The following CCDC88C variants were observed in gnomAD, a reference collection of about 807,000 sequenced individuals.
CCDC88C encodes coiled-coil and HOOK domain protein 88C, also known as protein Daple.
CCDC88C carries 131 observed loss-of-function variants against 198.8 expected under a neutral mutation model. That is an observed-to-expected ratio of 0.66 (90% CI 0.57 to 0.76). The LOEUF (loss-of-function observed/expected upper bound fraction) is 0.76. Among genes scored for constraint, CCDC88C ranks in the 30% least tolerant of loss-of-function variants. The pLI, the probability that CCDC88C is intolerant of heterozygous loss-of-function variation, is 0.00. For synonymous variants in CCDC88C, 1,166 were observed against 1,114.7 expected (o/e 1.05, Z -0.92); for missense variants, 2,553 against 2,631.6 (o/e 0.97, Z 0.65).
intron 27 of CCDC88C, chr14:91,281,161 C>T: frequency 1.7e-6 from 1 of 583,106 alleles, no homozygotes; most frequent in Non-Finnish European, 3.1e-6. Flanking sequence ...ACGCTCCCCA[C>T]CTGGGCCACC....
Position 91,338,584 on chromosome 14 carries a change from A to T in CCDC88C, c.810-14T>A, listed in dbSNP as rs531218791. On this transcript the variant is annotated splice_polypyrimidine_tract_variant and intron_variant, in intron 8 of 29. Transcript: ENST00000389857. The surrounding 1 kb of genome is among the most constrained non-coding windows in gnomAD (Gnocchi z 4.8). ...GTCTTATCCTCCCTGCAGAGGCAGT[A>T]AGGAGAAAGAGTGTGGGAGGCAGCT... The T allele has an allele frequency of 1.0e-4, 157 of 1,550,656 alleles. 3 individuals are homozygous for T. The South Asian group carries it at 1.8e-3, about 18-fold the overall frequency.
intron 3 of CCDC88C, among the ~76,000 whole-genome samples, chr14:91,385,106 G>GTCT (rs1477283015): frequency 1.3e-5 from 2 of 152,172 alleles, no homozygotes; most frequent in African/African-American, 4.8e-5. Flanking sequence ...CCAGGACACA[G>GTCT]CACGCTCAGG....
Position 91,367,157 on chromosome 14 carries a change from G to A in CCDC88C, c.271-7446C>T, listed in dbSNP as rs528326425. ...CCAGGAAGGAAGAATAAACGCTGCCGAAAGCCAAGCGTTTAGGCCCACAGG... is the reference window on the plus strand; with the variant it reads ...CCAGGAAGGAAGAATAAACGCTGCCAAAAGCCAAGCGTTTAGGCCCACAGG... On this transcript the variant is annotated intron_variant, in intron 3 of 29. Coordinates refer to ENST00000389857, the MANE Select transcript of CCDC88C (RefSeq NM_001080414.4). 1.1e-3 allele frequency among the ~76,000 whole-genome samples: 172 copies of A among 152,328 alleles called. 1 individual carries two copies. The highest frequency in any genetic ancestry group is 4.0e-3 in the African/African-American group (166 of 41,572).
intron 21 of CCDC88C, among the ~76,000 whole-genome samples, chr14:91,298,433 C>G (rs932207160): frequency 6.6e-6 from 1 of 151,364 alleles, no homozygotes; most frequent in Non-Finnish European, 1.5e-5. Context: ...ACTTGGGAGG[C>G]TGGGCTGGGA....
At chr14:91,343,797 G>A (rs746156720) in intron 4 of CCDC88C, 140 bp from the exon 5 acceptor site, 13 of 940,950 alleles carry the variant, frequency 1.4e-5, no homozygotes, top group Admixed American at 6.3e-5. Flanking sequence ...ACACTCCATC[G>A]ATCTTCCATG....
Position 91,272,580 on chromosome 14 carries a change from G to A in CCDC88C, c.*45C>T, listed in dbSNP as rs1432520926. The A allele has an allele frequency of 1.3e-6, 2 of 1,554,638 alleles. No individual in the cohort carries two copies. Among genetic ancestry groups the A allele is most frequent in the Non-Finnish European group, 1.7e-6 (2 of 1,148,928 alleles). On this transcript the variant is annotated 3_prime_UTR_variant, in exon 30 of 30. Coordinates refer to ENST00000389857, the MANE Select transcript of CCDC88C (RefSeq NM_001080414.4). ...AGAGAAAAGGCCGTGAGAGTCGGAA[G>A]GCGCGTCAGTAGTTTTCAGGTTTGC...
chr14:91,308,306 C>T lies in CCDC88C; in HGVS notation c.3006+45G>A, dbSNP rs773721976. 6.2e-6 allele frequency: 10 copies of T among 1,608,498 alleles called. No homozygotes were observed. In the African/African-American group the frequency reaches 1.2e-4, roughly 19 times the overall value. On this transcript the variant is annotated intron_variant, in intron 17 of 29. Coordinates refer to ENST00000389857, the MANE Select transcript of CCDC88C (RefSeq NM_001080414.4). Reference sequence around the variant, plus strand: ...AGGTGAGGGGCTGGAAAGGGTGAGGCTGAGAATGGGCAGCTGGGCCCCACA... The same window carrying T: ...AGGTGAGGGGCTGGAAAGGGTGAGGTTGAGAATGGGCAGCTGGGCCCCACA...
At chr14:91,412,261 T>C (rs10143525) in intron 2 of CCDC88C, among the ~76,000 whole-genome samples, 2,700 of 152,214 alleles carry the variant, frequency 0.018, 82 homozygotes, top group African/African-American at 0.061. Flanking sequence ...GAGTCCATAT[T>C]TGTATAAAAA....
At chr14:91,361,129 T>TAAA (rs58164336) in intron 3 of CCDC88C, among the ~76,000 whole-genome samples, 5 of 117,902 alleles carry the variant, frequency 4.2e-5, no homozygotes, top group Admixed American at 8.7e-5. Context: ...ACCCTGTCTA[T>TAAA]AAAAAAAAAA....
chr14:91,403,570 C>T (rs1377587900), intron 3 of CCDC88C, among the ~76,000 whole-genome samples: 1 of 152,242 alleles, frequency 6.6e-6, no homozygotes, highest in Non-Finnish European at 1.5e-5. Flanking sequence ...TTAATGTAAA[C>T]ATTCAAGGCT....
intron 3 of CCDC88C, chr14:91,408,443 A>AG: frequency 3.7e-6 from 2 of 536,872 alleles, no homozygotes; most frequent in South Asian, 4.0e-5. Flanking sequence ...GATGCTACAC[A>AG]CAGCTCAAAG....
At chr14:91,387,911 A>G (rs1168342069) in intron 3 of CCDC88C, among the ~76,000 whole-genome samples, 1 of 152,200 alleles carries the variant, frequency 6.6e-6, no homozygotes, top group Non-Finnish European at 1.5e-5. Flanking sequence ...CACCTCAGAC[A>G]ACGGCTTTTA....
intron 3 of CCDC88C, among the ~76,000 whole-genome samples, chr14:91,375,615 C>G (rs536427106): frequency 6.6e-6 from 1 of 152,194 alleles, no homozygotes; most frequent in South Asian, 2.1e-4. Flanking sequence ...CAGGGCCGGC[C>G]GAGAGCCCAC....
At chr14:91,363,552 T>C (rs1019439358) in intron 3 of CCDC88C, among the ~76,000 whole-genome samples, 1 of 152,208 alleles carries the variant, frequency 6.6e-6, no homozygotes, top group African/African-American at 2.4e-5. Context: ...AGTTCATTTG[T>C]TGGAGGTATA....
chr14:91,316,395 C>T lies in CCDC88C; in HGVS notation c.1528-608G>A, dbSNP rs550601136. On this transcript the variant is annotated intron_variant, in intron 13 of 29. Transcript: ENST00000389857. ...ATGCTCCCCGTTGCACACGAGTGCCCGCCTTGCTGAAATGCAGATTCTGAC... is the reference window on the plus strand; with the variant it reads ...ATGCTCCCCGTTGCACACGAGTGCCTGCCTTGCTGAAATGCAGATTCTGAC... Among the ~76,000 whole-genome samples the T allele has an allele frequency of 1.3e-4, 20 of 152,156 alleles. No homozygotes were observed. The East Asian group carries it at 3.5e-3, about 26-fold the overall frequency.
chr14:91,272,777 C>A lies in CCDC88C; in HGVS notation c.5935G>T (p.Ala1979Ser). The A allele has an allele frequency of 6.2e-7, 1 of 1,606,096 alleles. No homozygotes were observed. Among genetic ancestry groups the A allele is most frequent in the South Asian group, 1.1e-5 (1 of 90,700 alleles). The change falls in exon 30 of 30, where the codon GCC (alanine) becomes TCC (serine). Residue 1979 changes from alanine (A) to serine (S), a missense_variant. By Grantham distance (99) the Ala-to-Ser change is moderately conservative (BLOSUM62 1). Coordinates refer to ENST00000389857, the MANE Select transcript of CCDC88C (RefSeq NM_001080414.4). ...TCGGGAGACCGACCTGGGCTCTTGG[C>A]CGGAAGCCCCTCACTGCAGCCCTGC... is the stretch of plus-strand genomic sequence containing the variant. ...PGQGCSEGLP[A>S]KSPGRSPDLA...
intron 12 of CCDC88C, among the ~76,000 whole-genome samples, chr14:91,322,302 T>G (rs1381814301): frequency 6.6e-6 from 1 of 152,194 alleles, no homozygotes; most frequent in Non-Finnish European, 1.5e-5. Context: ...CGGGTGATCA[T>G]AAAGACTGAA....
intron 3 of CCDC88C, among the ~76,000 whole-genome samples, chr14:91,362,914 GC>G (rs1307366191): frequency 6.6e-6 from 1 of 150,970 alleles, no homozygotes; most frequent in Non-Finnish European, 1.5e-5. Context: ...GGGTGACAGA[GC>G]GAGACTCCAT....
In CCDC88C at chr14:91,303,274, C is replaced by G. The variant is rs1487697764; in HGVS notation, c.3635+427G>C. Among the ~76,000 whole-genome samples the G allele has an allele frequency of 2.0e-5, 3 of 151,776 alleles. No individual in the cohort carries two copies. The East Asian group carries it at 5.9e-4, about 30-fold the overall frequency. ...GGGCCCTGCCCACTTCCCCAAAGCC[C>G]TGCCTCTCCTGAGACCCTCTCCTGA... On this transcript the variant is annotated intron_variant, in intron 20 of 29. Transcript: ENST00000389857.
Sources: gnomAD v4.1 joint callset for allele counts (sites outside exome capture counted in the v4.1 genomes callset) on GRCh38, gnomAD v4.1.1 for gene constraint, Gnocchi (gnomAD v3.1) non-coding constraint, MANE v1.5 for transcripts, NCBI Gene and HGNC (gene_info 2026-07-23, HGNC 2026-07-21) for gene names.